The following FRMD4A variants were observed in gnomAD, a reference collection of about 807,000 sequenced individuals.
FRMD4A encodes FERM domain containing 4A.
Under a neutral mutation model 129.1 loss-of-function variants are expected in FRMD4A, and 29 were observed. The ratio of observed to expected loss-of-function variants is 0.22; its 90% CI spans 0.17 to 0.31. The LOEUF is 0.31. Ranked by LOEUF, FRMD4A falls within the 10% of genes least tolerant of loss-of-function variation. The pLI is 1.00. For synonymous variants in FRMD4A, 634 were observed against 571.6 expected (o/e 1.11, Z -1.56); for missense variants, 1,272 against 1,375.8 (o/e 0.92, Z 1.19).
chr10:13,666,255 A>G lies in FRMD4A; in HGVS notation c.1445T>C (p.Leu482Pro). The change falls in exon 18 of 25, where the codon CTA (leucine) becomes CCA (proline). Residue 482 changes from leucine to proline, a missense_variant. Physicochemically the swap from Leu to Pro is moderately conservative, Grantham distance 98. Coordinates refer to ENST00000357447, the MANE Select transcript of FRMD4A (RefSeq NM_018027.5). ...QSQITEAARR[L>P]ASDPNVSKKL... ...TTTGCTGACGTTGGGGTCACTGGCT[A>G]GGCGGCGGGCGGCCTCCGTAATCTG... 6.2e-7 allele frequency: 1 copy of G among 1,614,118 alleles called. No homozygotes were observed. Among genetic ancestry groups the G allele is most frequent in the Non-Finnish European group, 8.5e-7 (1 of 1,179,994 alleles).
At chr10:14,143,489 T>C (rs963353557) in intron 2 of FRMD4A, among the ~76,000 whole-genome samples, 5 of 152,236 alleles carry the variant, frequency 3.3e-5, no homozygotes, top group African/African-American at 4.8e-5. Context: ...GGAATTCTTA[T>C]TTAATAGGGA....
At chr10:13,675,372 A>G (rs2083889003) in intron 15 of FRMD4A, among the ~76,000 whole-genome samples, 1 of 152,228 alleles carries the variant, frequency 6.6e-6, no homozygotes, top group Admixed American at 6.5e-5. Context: ...GGGGGAAAGA[A>G]AAGCTCATGT....
intron 2 of FRMD4A, among the ~76,000 whole-genome samples, chr10:13,966,765 A>G (rs2095487711): frequency 6.6e-6 from 1 of 152,262 alleles, no homozygotes; most frequent in South Asian, 2.1e-4. Context: ...TGAAAAATAC[A>G]CTTGCACACG....
At chr10:14,131,400 C>G (rs4750469) in intron 2 of FRMD4A, among the ~76,000 whole-genome samples, 2 of 150,382 alleles carry the variant, frequency 1.3e-5, no homozygotes, top group Non-Finnish European at 2.9e-5. Context: ...CACTGTGCCC[C>G]CCCCGGCCGC....
chr10:14,213,260 T>TAAAC (rs1020528316), intron 2 of FRMD4A, among the ~76,000 whole-genome samples: 1 of 152,086 alleles, frequency 6.6e-6, no homozygotes, highest in African/African-American at 2.4e-5. Flanking sequence ...AATAAATAAA[T>TAAAC]AAACAAATAA....
chr10:14,128,031 CCTTCCTTT>C (rs1838998004), intron 2 of FRMD4A, among the ~76,000 whole-genome samples: 1 of 132,638 alleles, frequency 7.5e-6, no homozygotes, highest in Non-Finnish European at 1.6e-5. Context: ...TTCCTTCCTT[CCTTCCTTT>C]CTTTCCCTCT....
intron 15 of FRMD4A, among the ~76,000 whole-genome samples, chr10:13,682,075 T>A (rs1324486156): frequency 1.4e-5 from 2 of 141,940 alleles, no homozygotes; most frequent in Admixed American, 7.0e-5. Flanking sequence ...AAAAAAAAAA[T>A]TAGTAAGGCG....
chr10:14,191,794 G>GT (rs11410689), intron 2 of FRMD4A, among the ~76,000 whole-genome samples: 38,516 of 132,596 alleles, frequency 0.29, 5,298 homozygotes, highest in Admixed American at 0.37. Flanking sequence ...TCAACTGGCT[G>GT]TTTTTTTTTT....
At chr10:13,850,251 A>G (rs1203178537) in intron 3 of FRMD4A, among the ~76,000 whole-genome samples, 1 of 152,194 alleles carries the variant, frequency 6.6e-6, no homozygotes, top group Non-Finnish European at 1.5e-5. Flanking sequence ...TTTAGGTAAG[A>G]TTATTACAGT....
chr10:14,125,109 A>G (rs1401142704), intron 2 of FRMD4A, among the ~76,000 whole-genome samples: 1 of 152,194 alleles, frequency 6.6e-6, no homozygotes, highest in African/African-American at 2.4e-5. Flanking sequence ...GGAATGCAGC[A>G]GAAGTAATCA....
chr10:13,657,303 C>T lies in FRMD4A; in HGVS notation c.2286G>A (p.Ala762=), dbSNP rs764547272. 3.2e-5 allele frequency: 52 copies of T among 1,610,428 alleles called. No homozygotes were observed. The highest frequency in any genetic ancestry group is 4.2e-5 in the Non-Finnish European group (50 of 1,179,506). ...SHSSSEHYYP[A]QMNANYSTLA... Reference sequence around the variant, plus strand: ...GCGTGGAGTAGTTGGCGTTCATCTGCGCCGGGTAGTAGTGCTCCGAGCTCG... The same window carrying T: ...GCGTGGAGTAGTTGGCGTTCATCTGTGCCGGGTAGTAGTGCTCCGAGCTCG... The change falls in exon 22 of 25, where the codon GCG becomes GCA. Residue 762 remains alanine, a synonymous_variant. Transcript: ENST00000357447.
At chr10:13,750,673 G>A (rs1014641833) in intron 8 of FRMD4A, among the ~76,000 whole-genome samples, 1 of 152,142 alleles carries the variant, frequency 6.6e-6, no homozygotes, top group African/African-American at 2.4e-5. Flanking sequence ...GGAATGTCAG[G>A]GGCAATACAC....
chr10:14,261,172 G>A (rs1844787265), intron 2 of FRMD4A, among the ~76,000 whole-genome samples: 1 of 152,176 alleles, frequency 6.6e-6, no homozygotes, highest in Non-Finnish European at 1.5e-5. Context: ...TCGCCTCATG[G>A]TTCAGCCTTG....
chr10:13,962,814 T>A (rs1471533410), intron 2 of FRMD4A, among the ~76,000 whole-genome samples: 1 of 152,224 alleles, frequency 6.6e-6, no homozygotes, highest in Non-Finnish European at 1.5e-5. Context: ...AAATTACTGG[T>A]GGCTGATGCA....
chr10:13,819,679 A>G (rs1643342130), intron 3 of FRMD4A, among the ~76,000 whole-genome samples: 1 of 151,276 alleles, frequency 6.6e-6, no homozygotes, highest in African/African-American at 2.4e-5. Flanking sequence ...GGTGGGCTCT[A>G]AGTGCCATTA....
chr10:14,096,021 T>C lies in FRMD4A; in HGVS notation c.45+234037A>G, dbSNP rs112908006. Among the ~76,000 whole-genome samples the C allele has an allele frequency of 4.1e-3, 624 of 152,320 alleles. 3 individuals carry two copies. Among genetic ancestry groups the C allele is most frequent in the African/African-American group, 0.015 (603 of 41,576 alleles). ...GAGGCTGTAAAAATAACCCTCGCCATCCTGTTCTTGGGGAAAAAAAGGCAC... is the reference window on the plus strand; with the variant it reads ...GAGGCTGTAAAAATAACCCTCGCCACCCTGTTCTTGGGGAAAAAAAGGCAC... On this transcript the variant is annotated intron_variant, in intron 2 of 24. Transcript: ENST00000357447.
At chr10:13,858,490 C>T (rs1564923415) in intron 3 of FRMD4A, among the ~76,000 whole-genome samples, 1 of 152,174 alleles carries the variant, frequency 6.6e-6, no homozygotes, top group Non-Finnish European at 1.5e-5. Flanking sequence ...TTTCTATCCC[C>T]TCTGAGCAAG....
At chr10:13,981,373 G>C (rs945418034) in intron 2 of FRMD4A, among the ~76,000 whole-genome samples, 2 of 152,180 alleles carry the variant, frequency 1.3e-5, no homozygotes, top group Non-Finnish European at 2.9e-5. Context: ...AGGTCGACCA[G>C]GAGGCCAGAA....
chr10:13,785,945 A>C (rs2092847386), intron 5 of FRMD4A, among the ~76,000 whole-genome samples: 1 of 152,222 alleles, frequency 6.6e-6, no homozygotes, highest in Non-Finnish European at 1.5e-5. Flanking sequence ...TACAAAGCAC[A>C]TGAACTCATC....
Sources: gnomAD v4.1 joint callset for allele counts (sites outside exome capture counted in the v4.1 genomes callset) on GRCh38, gnomAD v4.1.1 for gene constraint, MANE v1.5 for transcripts, NCBI Gene and HGNC (gene_info 2026-07-23, HGNC 2026-07-21) for gene names.